The following MTHFD1L variants were observed in gnomAD, a reference collection of about 807,000 sequenced individuals.
MTHFD1L encodes the protein monofunctional C1-tetrahydrofolate synthase, mitochondrial.
Under a neutral mutation model 119.5 loss-of-function variants are expected in MTHFD1L, and 81 were observed. The observed-to-expected ratio is 0.68, with a 90% CI of 0.57 to 0.82. The LOEUF (loss-of-function observed/expected upper bound fraction) is 0.82, where lower values mean the gene tolerates loss of function less well. MTHFD1L is among the 40% of genes least tolerant of loss of function. The pLI, the probability that MTHFD1L is intolerant of heterozygous loss-of-function variation, is 0.00. For synonymous variants in MTHFD1L, 430 were observed against 475.2 expected, an observed-to-expected ratio of 0.90 and a Z score of 1.24; for missense variants, 1,125 against 1,253.4, an observed-to-expected ratio of 0.90 and a Z score of 1.55.
chr6:150,891,565 C>G (rs1055631020), intron 7 of MTHFD1L, among the ~76,000 whole-genome samples: 11 of 147,392 alleles, frequency 7.5e-5, no homozygotes, highest in African/African-American at 2.7e-4. Flanking sequence ...ATTATATAAT[C>G]CTTATATATA....
chr6:150,905,549 C>A, intron 7 of MTHFD1L, 101 bp from the exon 8 acceptor site: 2 of 814,774 alleles, frequency 2.5e-6, no homozygotes, highest in Non-Finnish European at 4.2e-6. Flanking sequence ...TGGAACAAAG[C>A]TGTGGATCTG....
intron 26 of MTHFD1L, among the ~76,000 whole-genome samples, chr6:151,087,193 G>T (rs1454676607): frequency 1.3e-5 from 2 of 151,988 alleles, no homozygotes; most frequent in Non-Finnish European, 2.9e-5. Context: ...AGGCTGCAGT[G>T]AGCTGAGATC....
intron 24 of MTHFD1L, among the ~76,000 whole-genome samples, chr6:151,025,872 T>C (rs1283660734): frequency 2.6e-5 from 4 of 152,226 alleles, no homozygotes; most frequent in Non-Finnish European, 4.4e-5. Flanking sequence ...GTGTTTTTCA[T>C]AGGTCTTCTA....
At chr6:150,961,506 T>C (rs915621328) in intron 18 of MTHFD1L, among the ~76,000 whole-genome samples, 4 of 152,236 alleles carry the variant, frequency 2.6e-5, no homozygotes, top group Non-Finnish European at 5.9e-5. Flanking sequence ...TTACTCCAAA[T>C]TTAAGTTTAC....
intron 12 of MTHFD1L, among the ~76,000 whole-genome samples, chr6:150,937,413 G>A (rs923544721): frequency 2.0e-5 from 3 of 152,100 alleles, no homozygotes; most frequent in African/African-American, 7.2e-5. Context: ...GGCCGTGGTC[G>A]GGCTGATATC....
chr6:150,960,535 A>C (rs934210286), intron 18 of MTHFD1L, 120 bp downstream of exon 18: 1 of 1,305,374 alleles, frequency 7.7e-7, no homozygotes, highest in Non-Finnish European at 1.0e-6. Flanking sequence ...AAAAGTTTCC[A>C]CACACACATT....
intron 8 of MTHFD1L, among the ~76,000 whole-genome samples, chr6:150,910,104 C>T (rs1215792236): frequency 6.6e-6 from 1 of 151,566 alleles, no homozygotes; most frequent in Non-Finnish European, 1.5e-5. Context: ...TCGCTTGAAT[C>T]CAAGAGGCAG....
At chr6:151,060,950 C>G (rs939324573) in intron 26 of MTHFD1L, among the ~76,000 whole-genome samples, 2 of 152,072 alleles carry the variant, frequency 1.3e-5, no homozygotes, top group Non-Finnish European at 2.9e-5. Context: ...AAGAAATACC[C>G]AGGGCCTAAC....
intron 8 of MTHFD1L, among the ~76,000 whole-genome samples, chr6:150,912,503 G>A (rs897889504): frequency 6.6e-5 from 10 of 152,110 alleles, no homozygotes; most frequent in African/African-American, 2.2e-4. Flanking sequence ...CCGCAGAGCC[G>A]AGATGGCATG....
chr6:150,967,817 T>C (rs1478895846), intron 19 of MTHFD1L, among the ~76,000 whole-genome samples: 1 of 152,156 alleles, frequency 6.6e-6, no homozygotes, highest in East Asian at 1.9e-4. Context: ...TCTCTGCTGC[T>C]ACTCTTTTCT....
Position 150,890,665 on chromosome 6 carries a change from G to A in MTHFD1L, c.780+2684G>A, listed in dbSNP as rs568262611. On this transcript the variant is annotated intron_variant, in intron 7 of 27. Transcript: ENST00000367321. ...CTTGCCTCCTCGGAAGAAAGAATTGGACTGAGGGCCATAAGGCAGAAGGAG... is the reference window on the plus strand; with the variant it reads ...CTTGCCTCCTCGGAAGAAAGAATTGAACTGAGGGCCATAAGGCAGAAGGAG... 6.6e-5 allele frequency among the ~76,000 whole-genome samples: 10 copies of A among 152,296 alleles called. No individual in the cohort carries two copies. The East Asian group carries it at 1.7e-3, about 26-fold the overall frequency.
intron 19 of MTHFD1L, 91 bp downstream of exon 19, chr6:150,965,128 G>A: frequency 9.0e-7 from 1 of 1,107,960 alleles, no homozygotes; most frequent in Non-Finnish European, 1.4e-6. Context: ...CAGGCATAGA[G>A]CATGCCTGGG....
intron 1 of MTHFD1L, among the ~76,000 whole-genome samples, chr6:150,867,291 A>C (rs967961075): frequency 2.0e-5 from 3 of 152,158 alleles, no homozygotes; most frequent in South Asian, 2.1e-4. Flanking sequence ...TCCTGGGCTC[A>C]AGCGATTCTC....
chr6:151,082,229 A>G (rs1287631392), intron 26 of MTHFD1L, among the ~76,000 whole-genome samples: 2 of 152,178 alleles, frequency 1.3e-5, no homozygotes, highest in Non-Finnish European at 1.5e-5. Flanking sequence ...TGAGGAATGG[A>G]ATTTGTGCTT....
At chr6:151,017,164 A>G (rs540118133) in intron 24 of MTHFD1L, among the ~76,000 whole-genome samples, 12 of 152,166 alleles carry the variant, frequency 7.9e-5, no homozygotes, top group African/African-American at 2.9e-4. Context: ...TCATCTTGCA[A>G]AACTGAAACT....
At chr6:151,009,482 C>T (rs377478876) in intron 20 of MTHFD1L, among the ~76,000 whole-genome samples, 22 of 151,998 alleles carry the variant, frequency 1.4e-4, no homozygotes, top group African/African-American at 4.6e-4. Context: ...TGCAGTGAGC[C>T]GAGATCATGC....
intron 20 of MTHFD1L, among the ~76,000 whole-genome samples, chr6:151,008,884 A>G (rs984592142): frequency 8.5e-5 from 13 of 152,070 alleles, no homozygotes; most frequent in Non-Finnish European, 1.6e-4. Flanking sequence ...TGGGAGGCCA[A>G]GGTGGGCAGA....
intron 26 of MTHFD1L, among the ~76,000 whole-genome samples, chr6:151,062,706 G>T (rs1316299410): frequency 6.6e-6 from 1 of 152,180 alleles, no homozygotes; most frequent in Non-Finnish European, 1.5e-5. Flanking sequence ...TTTGCTTGAA[G>T]CTCTGGTAAA....
chr6:150,920,939 A>ATTTT (rs869169480), intron 9 of MTHFD1L, among the ~76,000 whole-genome samples: 4 of 96,868 alleles, frequency 4.1e-5, no homozygotes, highest in Non-Finnish European at 7.9e-5. Flanking sequence ...CACCCAGATA[A>ATTTT]TTTTTTTTTT....
Sources: allele counts gnomAD v4.1 joint callset (sites outside exome capture counted in the v4.1 genomes callset), GRCh38; gene constraint gnomAD v4.1.1; transcripts MANE v1.5; gene names NCBI Gene and HGNC (gene_info 2026-07-23, HGNC 2026-07-21).